Variants in ARSG observed in about 807,000 individuals in gnomAD.
The protein encoded by ARSG is arylsulfatase G.
A neutral mutation model predicts 50.5 loss-of-function variants in ARSG; 37 were observed. The observed-to-expected ratio is 0.73, with a 90% CI of 0.56 to 0.96. The LOEUF (loss-of-function observed/expected upper bound fraction) is 0.96, where lower values mean the gene tolerates loss of function less well. Among genes scored for constraint, ARSG ranks in the 50% least tolerant of loss-of-function variants. The pLI is 0.00. For missense variants in ARSG, 629 were observed against 675.3 expected, an observed-to-expected ratio of 0.93 and a Z score of 0.76; for synonymous variants, 225 against 254.6, an observed-to-expected ratio of 0.88 and a Z score of 1.11.
chr17:68,274,786 T>C (rs1489858385), intron 1 of ARSG, among the ~76,000 whole-genome samples: 1 of 156 alleles, frequency 6.4e-3, no homozygotes, highest in African/African-American at 0.011. Flanking sequence ...GTTTCTTTCT[T>C]TTTTTTTTTT....
intron 2 of ARSG, among the ~76,000 whole-genome samples, chr17:68,341,059 A>G (rs1251840943): frequency 6.6e-6 from 1 of 152,176 alleles, no homozygotes; most frequent in Non-Finnish European, 1.5e-5. Flanking sequence ...CCTGAACCCA[A>G]TATTGCCACC....
At chr17:68,395,000 T>A in intron 9 of ARSG, 73 bp from the exon 10 acceptor site, 1 of 1,589,206 alleles carries the variant, frequency 6.3e-7, no homozygotes. Context: ...CTGGTTCAGG[T>A]GGGGGTTGAC....
At chr17:68,313,679 C>CTTT (rs1464951846) in intron 2 of ARSG, among the ~76,000 whole-genome samples, 980 of 40,764 alleles carry the variant, frequency 0.024, 7 homozygotes, top group Non-Finnish European at 0.039. Flanking sequence ...ATCTCTCTCT[C>CTTT]TCTCTTTTTT....
rs9903985 is a variant in ARSG, at chr17:68,367,326, A to G, written c.705-1222A>G. On this transcript the variant is annotated intron_variant, in intron 6 of 11. Coordinates refer to ENST00000621439, the MANE Select transcript of ARSG (RefSeq NM_001267727.2). The surrounding 1 kb of genome is among the most constrained non-coding windows in gnomAD (Gnocchi z 4.5). Reference sequence around the variant, plus strand: ...GGGGGATTTGAGGGCACAGTTGGCTATAGAGCAAGGCTGTAAGGTGGTGTA... The same window carrying G: ...GGGGGATTTGAGGGCACAGTTGGCTGTAGAGCAAGGCTGTAAGGTGGTGTA... Among the ~76,000 whole-genome samples, 11,777 of 152,266 alleles carry G rather than the reference A, an allele frequency of 0.077. 550 individuals carry two copies. Among genetic ancestry groups the G allele is most frequent in the African/African-American group, 0.12 (5,093 of 41,548 alleles).
intron 9 of ARSG, among the ~76,000 whole-genome samples, chr17:68,389,879 T>C (rs2080908865): frequency 6.6e-6 from 1 of 152,136 alleles, no homozygotes; most frequent in African/African-American, 2.4e-5. Context: ...CATCCTGAAG[T>C]CCATGTGGTT....
chr17:68,311,123 T>C (rs1050759863), intron 2 of ARSG, among the ~76,000 whole-genome samples: 1 of 152,158 alleles, frequency 6.6e-6, no homozygotes, highest in South Asian at 2.1e-4. Flanking sequence ...ACTGCTGCAC[T>C]CCAGCCCGGG....
At chr17:68,304,388 G>A (rs1321891705) in intron 1 of ARSG, among the ~76,000 whole-genome samples, 2 of 152,226 alleles carry the variant, frequency 1.3e-5, no homozygotes, top group Admixed American at 1.3e-4. Flanking sequence ...GGAAACAGAA[G>A]AATTTGCATT....
intron 6 of ARSG, among the ~76,000 whole-genome samples, chr17:68,362,175 C>T (rs1283944581): frequency 2.0e-5 from 3 of 151,990 alleles, no homozygotes; most frequent in African/African-American, 4.8e-5. Flanking sequence ...ACTCACTATC[C>T]GTCTTCATTG....
chr17:68,360,629 A>C (rs1317330332), intron 6 of ARSG, among the ~76,000 whole-genome samples: 3 of 152,226 alleles, frequency 2.0e-5, no homozygotes, highest in Non-Finnish European at 4.4e-5. Context: ...TTTTTTAAGC[A>C]GCAGGCAAAT....
At chr17:68,285,548 T>G (rs1345891763) in intron 1 of ARSG, 1 of 152,294 alleles carries the variant, frequency 6.6e-6, no homozygotes, top group Non-Finnish European at 1.5e-5. Context: ...TGCGCACCTG[T>G]GCTTCCAGCT....
At chr17:68,336,062 C>T (rs2078003453) in intron 2 of ARSG, among the ~76,000 whole-genome samples, 1 of 151,888 alleles carries the variant, frequency 6.6e-6, no homozygotes, top group Non-Finnish European at 1.5e-5. Flanking sequence ...CCACACCTGG[C>T]TAATTTTTGT....
intron 1 of ARSG, among the ~76,000 whole-genome samples, chr17:68,300,349 T>C (rs1244818519): frequency 6.6e-6 from 1 of 152,200 alleles, no homozygotes; most frequent in African/African-American, 2.4e-5. Context: ...TGAATTGAAA[T>C]GTTGGGTAAG....
downstream of ARSG, chr17:68,421,743 G>T (rs753471171): frequency 6.2e-7 from 1 of 1,614,082 alleles, no homozygotes; most frequent in Non-Finnish European, 8.5e-7. Flanking sequence ...TGATAGGGGG[G>T]ATGTCCTGAT....
chr17:68,397,089 A>G (rs975437377), intron 10 of ARSG, among the ~76,000 whole-genome samples: 3 of 152,142 alleles, frequency 2.0e-5, no homozygotes, highest in African/African-American at 7.2e-5. Context: ...TCCTTCATGT[A>G]CTAACTTCCT....
rs182857783 is a variant in ARSG, at chr17:68,381,102, C to T, written c.983-3962C>T. On this transcript the variant is annotated intron_variant, in intron 8 of 11. Coordinates refer to ENST00000621439, the MANE Select transcript of ARSG (RefSeq NM_001267727.2). The surrounding 1 kb of genome is among the most constrained non-coding windows in gnomAD (Gnocchi z 4.1). Reference sequence around the variant, plus strand: ...TGATTCTCTTGTATGGAGAAATTTGCGAATTTCCTTGTTTGCTGCATTGCC... The same window carrying T: ...TGATTCTCTTGTATGGAGAAATTTGTGAATTTCCTTGTTTGCTGCATTGCC... 5.5e-4 allele frequency among the ~76,000 whole-genome samples: 83 copies of T among 152,232 alleles called. No individual in the cohort carries two copies. Among genetic ancestry groups the T allele is most frequent in the Non-Finnish European group, 2.6e-4 (18 of 68,012 alleles).
At chr17:68,336,687 T>C (rs2078037119) in intron 2 of ARSG, among the ~76,000 whole-genome samples, 1 of 152,112 alleles carries the variant, frequency 6.6e-6, no homozygotes, top group African/African-American at 2.4e-5. Flanking sequence ...ATCCCGTTTC[T>C]ATTAAAAGTA....
At chr17:68,370,374 G>C in intron 7 of ARSG, 70 bp from the exon 8 acceptor site, 1 of 1,412,576 alleles carries the variant, frequency 7.1e-7, no homozygotes, top group Admixed American at 1.7e-5. Flanking sequence ...GGGATATAGG[G>C]CCAGAGTGGG....
At chr17:68,387,424 C>T (rs1044148766) in intron 9 of ARSG, among the ~76,000 whole-genome samples, 2 of 152,244 alleles carry the variant, frequency 1.3e-5, no homozygotes, top group East Asian at 1.9e-4. Flanking sequence ...CCATCACACA[C>T]AGCCAAGGCT....
At chr17:68,270,957 C>G in intron 1 of ARSG, 1 of 1,614,142 alleles carries the variant, frequency 6.2e-7, no homozygotes, top group Non-Finnish European at 8.5e-7. Flanking sequence ...GAATGTGAGT[C>G]CCTCCTATTG....
Sources: gnomAD v4.1 joint callset for allele counts (sites outside exome capture counted in the v4.1 genomes callset) on GRCh38, gnomAD v4.1.1 for gene constraint, Gnocchi (gnomAD v3.1) non-coding constraint, MANE v1.5 for transcripts, NCBI Gene and HGNC (gene_info 2026-07-23, HGNC 2026-07-21) for gene names.